The following PTGS1 variants were observed in gnomAD, a reference collection of about 807,000 sequenced individuals.
PTGS1 encodes prostaglandin-endoperoxide synthase 1.
In PTGS1, 40 loss-of-function variants were observed where a neutral mutation model predicts 63.0. The observed-to-expected ratio is 0.63, with a 90% CI of 0.49 to 0.83. PTGS1 has a LOEUF of 0.83. Among genes scored for constraint, PTGS1 ranks in the 40% least tolerant of loss-of-function variants. The pLI is 0.00. For missense variants in PTGS1, 709 were observed against 786.5 expected, an observed-to-expected ratio of 0.90 and a Z score of 1.18; for synonymous variants, 298 against 301.9, an observed-to-expected ratio of 0.99 and a Z score of 0.13.
rs1837277288 is a variant in PTGS1 at position 122,377,998 on chromosome 9, G to A, written c.194G>A (p.Gly65Asp). 6.2e-7 allele frequency: 1 copy of A among 1,613,046 alleles called. No homozygotes were observed. Among genetic ancestry groups the A allele is most frequent in the Non-Finnish European group, 8.5e-7 (1 of 1,179,940 alleles). ...GACTGCACCCGCACGGGCTATTCCGGCCCCAACTGCACCATCCGTGAGCTG... is the reference window on the plus strand; with the variant it reads ...GACTGCACCCGCACGGGCTATTCCGACCCCAACTGCACCATCCGTGAGCTG... ...QCDCTRTGYS[G>D]PNCTIPGLWT... Residue 65 changes from glycine (G) to aspartate (D), a missense_variant, in exon 3 of 11, where the codon GGC (glycine) becomes GAC (aspartate). Coordinates refer to ENST00000362012, the MANE Select transcript of PTGS1 (RefSeq NM_000962.4).
chr9:122,383,706 C>G lies in PTGS1; in HGVS notation c.960C>G (p.Pro320=), dbSNP rs145581212. ...GTGACCTGCTGAAGGCTGAGCACCC[C>G]ACCTGGGGCGATGAGCAGCTTTTCC... The part of the protein sequence containing the change: ...RVCDLLKAEH[P]TWGDEQLFQT... The change falls in exon 8 of 11, where the codon CCC becomes CCG. Residue 320 remains proline (P), a synonymous_variant. Coordinates refer to ENST00000362012, the MANE Select transcript of PTGS1 (RefSeq NM_000962.4). The G allele has an allele frequency of 4.8e-3, 7,745 of 1,613,882 alleles. 28 individuals are homozygous for G. The highest frequency in any genetic ancestry group is 5.4e-3 in the Non-Finnish European group (6,324 of 1,180,010).
At chr9:122,376,530 T>C (rs1342206091) in intron 2 of PTGS1, among the ~76,000 whole-genome samples, 2 of 152,112 alleles carry the variant, frequency 1.3e-5, no homozygotes, top group Non-Finnish European at 2.9e-5. Context: ...AGGGTCATGC[T>C]CTCTGATCCT....
rs560499892 is a variant in PTGS1 at position 122,387,627 on chromosome 9, G to A, written c.1296+895G>A. On this transcript the variant is annotated intron_variant, in intron 9 of 10. Coordinates refer to ENST00000362012, the MANE Select transcript of PTGS1 (RefSeq NM_000962.4). ...AGAAGAAAGCCATCTACAAGCCAAG[G>A]AAAGAGGCCTCAGGAGATACCAACC... is the stretch of plus-strand genomic sequence containing the variant. Among the ~76,000 whole-genome samples, 14 of 152,314 alleles carry A rather than the reference G, an allele frequency of 9.2e-5. 2 individuals are homozygous for A. In the South Asian group the frequency reaches 2.7e-3, roughly 29 times the overall value.
chr9:122,386,747 A>G lies in PTGS1; in HGVS notation c.1296+15A>G, dbSNP rs772815207. 3 of 1,611,810 alleles carry G rather than the reference A, an allele frequency of 1.9e-6. No homozygotes were observed. The highest frequency in any genetic ancestry group is 2.5e-6 in the Non-Finnish European group (3 of 1,178,400). On this transcript the variant is annotated intron_variant, in intron 9 of 10. Coordinates refer to ENST00000362012, the MANE Select transcript of PTGS1 (RefSeq NM_000962.4). ...TTGCTGGCCGGGTAAGCCCCAGAGG[A>G]GTGCTGGTGAGGGCAGGTGGGCTGA...
intron 2 of PTGS1, among the ~76,000 whole-genome samples, chr9:122,372,131 G>T (rs925727248): frequency 2.6e-5 from 4 of 152,146 alleles, no homozygotes; most frequent in African/African-American, 9.7e-5. Flanking sequence ...GTCCCAGTTG[G>T]ATATAGTTTC....
intron 2 of PTGS1, among the ~76,000 whole-genome samples, chr9:122,376,884 A>C (rs1002763285): frequency 6.6e-6 from 1 of 152,200 alleles, no homozygotes; most frequent in East Asian, 1.9e-4. Context: ...GCTGCTAAAG[A>C]ATCACTGAGG....
Position 122,381,397 on chromosome 9 carries a change from C to G in PTGS1, c.523C>G (p.Leu175Val). The G allele has an allele frequency of 6.2e-7, 1 of 1,614,154 alleles. No homozygotes were observed. Among genetic ancestry groups the G allele is most frequent in the Non-Finnish European group, 8.5e-7 (1 of 1,180,022 alleles). Reference protein sequence around the residue: ...KGKKQLPDAQLLARRFLLRRK... With the variant: ...KGKKQLPDAQVLARRFLLRRK... The stretch of plus-strand genomic sequence containing the variant: ...GAAGAAGCAGTTGCCAGATGCCCAG[C>G]TCCTGGCCCGCCGCTTCCTGCTCAG... Residue 175 changes from leucine to valine, a missense_variant, in exon 6 of 11, where the codon CTC (leucine) becomes GTC (valine). Physicochemically the swap from Leu to Val is conservative, Grantham distance 32. Coordinates refer to ENST00000362012, the MANE Select transcript of PTGS1 (RefSeq NM_000962.4).
At chr9:122,373,852 C>T (rs1836950681) in intron 2 of PTGS1, among the ~76,000 whole-genome samples, 1 of 147,424 alleles carries the variant, frequency 6.8e-6, no homozygotes. Flanking sequence ...TCAGGGTTCC[C>T]CACCTTTTTT....
intron 9 of PTGS1, among the ~76,000 whole-genome samples, chr9:122,388,395 C>T (rs1390871269): frequency 1.3e-5 from 2 of 152,194 alleles, no homozygotes; most frequent in African/African-American, 4.8e-5. Context: ...TTGTCCATGG[C>T]TACCCTCTCA....
At chr9:122,384,143 CTG>C (rs1336305449) in intron 8 of PTGS1, among the ~76,000 whole-genome samples, 1 of 152,140 alleles carries the variant, frequency 6.6e-6, no homozygotes, top group Non-Finnish European at 1.5e-5. Flanking sequence ...CAGGGTCAAA[CTG>C]TAACTTGCCC....
chr9:122,382,282 A>G (rs935422239), intron 7 of PTGS1, among the ~76,000 whole-genome samples: 3 of 152,258 alleles, frequency 2.0e-5, no homozygotes, highest in Admixed American at 2.0e-4. Context: ...ACTTAATGCA[A>G]TATGTCCAGG....
At chr9:122,381,873 G>C (rs1837551683) in intron 7 of PTGS1, 126 bp downstream of exon 7, 7 of 969,648 alleles carry the variant, frequency 7.2e-6, no homozygotes, top group African/African-American at 6.5e-5. Context: ...GGAAGCTTGT[G>C]CCAGGAGCGA....
chr9:122,394,024 A>C lies in PTGS1; in HGVS notation c.*1480A>C, dbSNP rs1047316451. The C allele has an allele frequency of 6.6e-6, 1 of 152,322 alleles. No individual in the cohort carries two copies. The highest frequency in any genetic ancestry group is 2.4e-5 in the African/African-American group (1 of 41,474). The allele number at this position is 152,322 out of a possible 1,614,324, so 9.4% of individuals were successfully genotyped here. ...TGGAGCTCACACTCCAGTGGCAGAC[A>C]AACAGACCATAAATAAGGAAACGAT... is the stretch of plus-strand genomic sequence containing the variant. On this transcript the variant is annotated 3_prime_UTR_variant, in exon 11 of 11. Transcript: ENST00000362012.
intron 2 of PTGS1, among the ~76,000 whole-genome samples, chr9:122,375,679 A>G (rs1411098756): frequency 3.9e-5 from 6 of 152,068 alleles, no homozygotes; most frequent in African/African-American, 9.7e-5. Flanking sequence ...GGGAGTGTGG[A>G]CATTTGGGGA....
At chr9:122,371,792 G>A in intron 2 of PTGS1, 1 of 1,534,938 alleles carries the variant, frequency 6.5e-7, no homozygotes, top group Non-Finnish European at 8.7e-7. Context: ...TTCATCTGGG[G>A]TTTAAGAGAT....
rs1238680717 is a variant in PTGS1, at chr9:122,381,552, G to A, written c.678G>A (p.Gly226=). Residue 226 remains glycine (G), a splice_region_variant and synonymous_variant, in exon 6 of 11, where the codon GGG becomes GGA. Coordinates refer to ENST00000362012, the MANE Select transcript of PTGS1 (RefSeq NM_000962.4). ...GCTTCACCAAGGCCTTGGGCCATGG[G>A]GTGAGTACCTAGGAGGGGCTCAGGA... ...GPGFTKALGH[G]VDLGHIYGDN... is the part of the protein sequence containing the mutation. The A allele has an allele frequency of 1.9e-6, 3 of 1,614,180 alleles. No homozygotes were observed. The Admixed American group carries it at 5.0e-5, about 27-fold the overall frequency.
At chr9:122,377,806 C>A in intron 2 of PTGS1, 93 bp from the exon 3 acceptor site, 1 of 1,153,164 alleles carries the variant, frequency 8.7e-7, no homozygotes, top group South Asian at 1.3e-5. Flanking sequence ...GACTTAAGTC[C>A]ATGCCTCTGG....
rs145989297 is a variant in PTGS1, at chr9:122,392,323, C to T, written c.1579C>T (p.Pro527Ser). Residue 527 changes from proline to serine, a missense_variant, in exon 11 of 11, where the codon CCC (proline) becomes TCC (serine). By Grantham distance (74) the Pro-to-Ser change is moderately conservative. Transcript: ENST00000362012. Reference protein sequence around the residue: ...FGESMIEIGAPFSLKGLLGNP... With the variant: ...FGESMIEIGASFSLKGLLGNP... ...GGAGAGTATGATAGAGATTGGGGCT[C>T]CCTTTTCCCTCAAGGGTCTCCTAGG... The T allele has an allele frequency of 2.9e-5, 46 of 1,613,998 alleles. No homozygotes were observed. Among genetic ancestry groups the T allele is most frequent in the Non-Finnish European group, 3.4e-5 (40 of 1,180,018 alleles).
At chr9:122,378,301 A>T (rs1284662304) in intron 3 of PTGS1, 132 bp from the exon 4 acceptor site, 3 of 1,301,110 alleles carry the variant, frequency 2.3e-6, no homozygotes, top group Admixed American at 3.7e-5. Context: ...CCAAGGTTCC[A>T]TCCTTACCCA....
Sources: allele counts gnomAD v4.1 joint callset (sites outside exome capture counted in the v4.1 genomes callset), GRCh38; gene constraint gnomAD v4.1.1; transcripts MANE v1.5; gene names NCBI Gene and HGNC (gene_info 2026-07-23, HGNC 2026-07-21).